The following PCDHGA2 variants were observed in gnomAD, a reference collection of about 807,000 sequenced individuals.
PCDHGA2 encodes protocadherin gamma-A2.
In PCDHGA2, 40 loss-of-function variants were observed where a neutral mutation model predicts 59.2. The ratio of observed to expected loss-of-function variants is 0.68; its 90% CI spans 0.52 to 0.88. The LOEUF is 0.88. Ranked by LOEUF, PCDHGA2 falls within the 40% of genes least tolerant of loss-of-function variation. The pLI, the probability that PCDHGA2 is intolerant of heterozygous loss-of-function variation, is 0.00. For synonymous variants in PCDHGA2, 560 were observed against 526.0 expected (o/e 1.06, Z -0.89); for missense variants, 1,226 against 1,204.0 (o/e 1.02, Z -0.27).
Position 141,388,949 on chromosome 5 carries a change from G to A in PCDHGA2, c.2424+47554G>A. The A allele has an allele frequency of 6.2e-7, 1 of 1,613,986 alleles. No homozygotes were observed. The highest frequency in any genetic ancestry group is 8.5e-7 in the Non-Finnish European group (1 of 1,179,876). On this transcript the variant is annotated intron_variant, in intron 1 of 3. Coordinates refer to ENST00000394576, the MANE Select transcript of PCDHGA2 (RefSeq NM_018915.4). ...TCCAGTCTCTACCCAACCTAATTAT[G>A]GAGGACGCCGAGCTGGGAACACATA...
At chr5:141,423,990 T>A (rs2096793990) in intron 1 of PCDHGA2, 2 of 1,090,000 alleles carry the variant, frequency 1.8e-6, no homozygotes, top group East Asian at 1.1e-4. Flanking sequence ...GCTCTCAATT[T>A]ATTATATATA....
intron 1 of PCDHGA2, among the ~76,000 whole-genome samples, chr5:141,456,946 G>A (rs182320066): frequency 2.3e-4 from 35 of 152,284 alleles, no homozygotes; most frequent in Admixed American, 2.3e-3. Context: ...CTGGGCAACA[G>A]AGCAAAACTC....
chr5:141,371,035 C>T (rs1277378735), intron 1 of PCDHGA2: 1 of 1,614,000 alleles, frequency 6.2e-7, no homozygotes, highest in Non-Finnish European at 8.5e-7. Context: ...GTCCTCACAG[C>T]TGTGGATGGG....
At position 141,345,875 on chromosome 5, in the gene PCDHGA2, G is replaced by A. The variant is rs761228876; in HGVS notation, c.2424+4480G>A. 12 of 1,613,368 alleles carry A rather than the reference G, an allele frequency of 7.4e-6. No individual in the cohort carries two copies. The South Asian group carries it at 9.9e-5, about 13-fold the overall frequency. On this transcript the variant is annotated intron_variant, in intron 1 of 3. Coordinates refer to ENST00000394576, the MANE Select transcript of PCDHGA2 (RefSeq NM_018915.4). The stretch of plus-strand genomic sequence containing the variant: ...ACCGCCTGCTCAAGGCCAGCGAGCC[G>A]GGACTCTTCTCGGTGGGTCTGCACA...
At chr5:141,394,923 T>G in intron 1 of PCDHGA2, 2 of 1,613,816 alleles carry the variant, frequency 1.2e-6, no homozygotes, top group Non-Finnish European at 8.5e-7. Context: ...CTCCTGTGTC[T>G]TCCTCGCCTT....
Position 141,345,729 on chromosome 5 carries a change from G to T in PCDHGA2, c.2424+4334G>T, listed in dbSNP as rs200275256. 617 of 1,614,194 alleles carry T rather than the reference G, an allele frequency of 3.8e-4. No individual in the cohort carries two copies. The highest frequency in any genetic ancestry group is 4.6e-4 in the Non-Finnish European group (547 of 1,180,028). On this transcript the variant is annotated intron_variant, in intron 1 of 3. Transcript: ENST00000394576. ...CAACGCGCCCGAGATCCTGTACCCCGCCCTCCCCACAGACGGTTCCACTGG... is the reference window on the plus strand; with the variant it reads ...CAACGCGCCCGAGATCCTGTACCCCTCCCTCCCCACAGACGGTTCCACTGG...
intron 1 of PCDHGA2, chr5:141,478,023 A>G (rs2099428714): frequency 6.2e-7 from 1 of 1,614,112 alleles, no homozygotes; most frequent in South Asian, 1.1e-5. Flanking sequence ...CCAGTCCAAG[A>G]CACAGATTCA....
chr5:141,485,543 G>C lies in PCDHGA2; in HGVS notation c.2425-9264G>C. 1.9e-6 allele frequency: 3 copies of C among 1,614,092 alleles called. No homozygotes were observed. The highest frequency in any genetic ancestry group is 2.5e-6 in the Non-Finnish European group (3 of 1,179,972). On this transcript the variant is annotated intron_variant, in intron 1 of 3. Coordinates refer to ENST00000394576, the MANE Select transcript of PCDHGA2 (RefSeq NM_018915.4). This position sits in a 1 kb window ranked among gnomAD's most constrained non-coding sequence, Gnocchi z 5.7. Reference sequence around the variant, plus strand: ...AATGTACCGAGCAGAGGTAGAGATCGTAGATGTGAATGATCACGCCCCCCG... The same window carrying C: ...AATGTACCGAGCAGAGGTAGAGATCCTAGATGTGAATGATCACGCCCCCCG...
At chr5:141,478,396 G>GT in intron 1 of PCDHGA2, 1 of 1,613,564 alleles carries the variant, frequency 6.2e-7, no homozygotes, top group Non-Finnish European at 8.5e-7. Flanking sequence ...ACCATCAGGT[G>GT]TATCTCACCA....
chr5:141,478,399 T>C, intron 1 of PCDHGA2: 1 of 1,613,514 alleles, frequency 6.2e-7, no homozygotes, highest in South Asian at 1.1e-5. Flanking sequence ...ATCAGGTGTA[T>C]CTCACCACGG....
At chr5:141,371,209 G>T in intron 1 of PCDHGA2, 1 of 1,614,006 alleles carries the variant, frequency 6.2e-7, no homozygotes, top group Non-Finnish European at 8.5e-7. Context: ...ATGGATGAGG[G>T]CATCAATGCC....
intron 1 of PCDHGA2, chr5:141,374,414 G>A: frequency 1.9e-6 from 3 of 1,614,026 alleles, no homozygotes; most frequent in Non-Finnish European, 1.7e-6. Context: ...CATCCTTGTC[G>A]AGGATAAACT....
chr5:141,404,501 C>T, intron 1 of PCDHGA2: 2 of 1,613,792 alleles, frequency 1.2e-6, no homozygotes, highest in Non-Finnish European at 1.7e-6. Context: ...GCTGTATGCT[C>T]TGTGCTCCTT....
intron 1 of PCDHGA2, chr5:141,413,621 A>G (rs369411784): frequency 1.0e-4 from 161 of 1,613,784 alleles, no homozygotes; most frequent in Admixed American, 1.5e-4. Flanking sequence ...ATTAATGAAA[A>G]TGTCGCTGCG....
At chr5:141,414,244 T>A in intron 1 of PCDHGA2, 1 of 1,613,526 alleles carries the variant, frequency 6.2e-7, no homozygotes, top group Admixed American at 1.7e-5. Context: ...CACGTCTCTA[T>A]TTAGTCCAGT....
chr5:141,358,466 T>A (rs1432886390), intron 1 of PCDHGA2, among the ~76,000 whole-genome samples: 1 of 152,230 alleles, frequency 6.6e-6, no homozygotes, highest in Non-Finnish European at 1.5e-5. Context: ...ACTGGCAATT[T>A]GTGAGTTTAA....
Position 141,340,083 on chromosome 5 carries a change from T to C in PCDHGA2, c.1112T>C (p.Val371Ala), listed in dbSNP as rs766435243. The C allele has an allele frequency of 3.1e-6, 5 of 1,614,076 alleles. No homozygotes were observed. The South Asian group carries it at 4.4e-5, about 14-fold the overall frequency. The change falls in exon 1 of 4, where the codon GTA becomes GCA. Residue 371 changes from valine (V) to alanine (A), a missense_variant. By Grantham distance (64) the Val-to-Ala change is moderately conservative. Coordinates refer to ENST00000394576, the MANE Select transcript of PCDHGA2 (RefSeq NM_018915.4). The stretch of plus-strand genomic sequence containing the variant: ...GGAACCATAATTGGGCTTTTTAATG[T>C]ACATGATAGAGACTCTGGGCAGAAC... ...LPGTIIGLFN[V>A]HDRDSGQNAF...
At chr5:141,355,900 G>C in intron 1 of PCDHGA2, 1 of 1,613,626 alleles carries the variant, frequency 6.2e-7, no homozygotes, top group Non-Finnish European at 8.5e-7. Flanking sequence ...AATACTTGTG[G>C]ATACCAACGA....
chr5:141,485,009 C>A lies in PCDHGA2; in HGVS notation c.2425-9798C>A, dbSNP rs531346426. 4 of 628,216 alleles carry A rather than the reference C, an allele frequency of 6.4e-6. No individual in the cohort carries two copies. Among genetic ancestry groups the A allele is most frequent in the African/African-American group, 3.7e-5 (2 of 54,100 alleles). 38.9% of individuals were successfully genotyped at this position (628,216 alleles called of 1,614,324 possible). On this transcript the variant is annotated intron_variant, in intron 1 of 3. Transcript: ENST00000394576. This position sits in a 1 kb window ranked among gnomAD's most constrained non-coding sequence, Gnocchi z 5.7. Reference sequence around the variant, plus strand: ...GGTGGTGAAAGGCAGACAAATCTACCCCGCCACCAGCAAAAACGGCGCGTA... The same window carrying A: ...GGTGGTGAAAGGCAGACAAATCTACACCGCCACCAGCAAAAACGGCGCGTA...
Sources: gnomAD v4.1 joint callset for allele counts (sites outside exome capture counted in the v4.1 genomes callset) on GRCh38, gnomAD v4.1.1 for gene constraint, Gnocchi (gnomAD v3.1) non-coding constraint, MANE v1.5 for transcripts, NCBI Gene and HGNC (gene_info 2026-07-23, HGNC 2026-07-21) for gene names.